Variants in EPB41L1 observed in about 807,000 individuals in gnomAD.
EPB41L1 encodes erythrocyte membrane protein band 4.1 like 1.
Under a neutral mutation model 97.8 loss-of-function variants are expected in EPB41L1, and 29 were observed. The observed-to-expected ratio is 0.30, with a 90% CI of 0.22 to 0.40. The LOEUF is 0.40. EPB41L1 is among the 10% of genes least tolerant of loss of function. EPB41L1 has a pLI of 1.00. For missense variants in EPB41L1, 812 were observed against 1,162.3 expected (o/e 0.70, Z 4.38); for synonymous variants, 383 against 459.2 (o/e 0.83, Z 2.12).
At chr20:36,149,349 T>C (rs1254172882) in intron 2 of EPB41L1, among the ~76,000 whole-genome samples, 2 of 152,200 alleles carry the variant, frequency 1.3e-5, no homozygotes, top group Admixed American at 6.5e-5. Flanking sequence ...GCTATGCAGT[T>C]TGCAGGCATC....
At chr20:36,167,419 G>A (rs1171831206) in intron 1 of EPB41L1, among the ~76,000 whole-genome samples, 1 of 152,036 alleles carries the variant, frequency 6.6e-6, no homozygotes, top group Admixed American at 6.6e-5. Flanking sequence ...TTTAAAGAGG[G>A]CATCTGGCTG....
chr20:36,146,711 C>T lies in EPB41L1; in HGVS notation c.-9-28840C>T, dbSNP rs80247610. The stretch of plus-strand genomic sequence containing the variant: ...AAGTGCTGGCTGGGTGGAGTGGGCA[C>T]CTGGGCTGGGAATGTGAGTGCAAGG... On this transcript the variant is annotated intron_variant, in intron 2 of 19. Coordinates refer to the EPB41L1 transcript ENST00000202028. Among the ~76,000 whole-genome samples the T allele has an allele frequency of 1.5e-4, 23 of 152,180 alleles. No individual in the cohort carries two copies. The East Asian group carries it at 4.4e-3, about 29-fold the overall frequency.
At chr20:36,162,289 CT>C (rs1399994473) in intron 1 of EPB41L1, among the ~76,000 whole-genome samples, 4 of 152,222 alleles carry the variant, frequency 2.6e-5, no homozygotes, top group African/African-American at 9.7e-5. Flanking sequence ...GTAAAGTGCC[CT>C]GCATGTGGGA....
Position 36,190,388 on chromosome 20 carries a change from TGGATGGGGTAATGG to T in EPB41L1, c.1124+23_1124+36del. The stretch of plus-strand genomic sequence containing the variant: ...TACATTCTTCCGGTGAGCCTGACCT[TGGATGGGGTAATGG>T]GGATGGGGCAGAGGCCATGTGTATG... On this transcript the variant is annotated intron_variant, in intron 10 of 21. Transcript: ENST00000338074. The surrounding 1 kb of genome is among the most constrained non-coding windows in gnomAD (Gnocchi z 5.8). 3.1e-6 allele frequency: 5 copies of T among 1,612,998 alleles called. No individual in the cohort carries two copies. The highest frequency in any genetic ancestry group is 4.2e-6 in the Non-Finnish European group (5 of 1,179,434).
rs2057724953 is a variant in EPB41L1, at chr20:36,093,456, CGGTGGGGGCGGCGGTCCAGG to C, written c.-65+1845_-65+1864del. Reference sequence around the variant, plus strand: ...TTGTCTTCGCACTGCCGGGAGGAAGCGGTGGGGGCGGCGGTCCAGGCGCCGCCGCCGCTGGGAGCTGGGCA... The same window carrying C: ...TTGTCTTCGCACTGCCGGGAGGAAGCCGCCGCCGCCGCTGGGAGCTGGGCA... On this transcript the variant is annotated intron_variant, in intron 1 of 19. Coordinates refer to the EPB41L1 transcript ENST00000202028. The surrounding 1 kb of genome is among the most constrained non-coding windows in gnomAD (Gnocchi z 5.4). 6.6e-6 allele frequency among the ~76,000 whole-genome samples: 1 copy of C among 150,442 alleles called. No individual in the cohort carries two copies. The highest frequency in any genetic ancestry group is 1.5e-5 in the Non-Finnish European group (1 of 67,662).
rs2061645568 is a variant in EPB41L1, at chr20:36,185,477, G to A, written c.785+142G>A. 8 of 787,020 alleles carry A rather than the reference G, an allele frequency of 1.0e-5. No homozygotes were observed. In the Admixed American group the frequency reaches 1.6e-4, roughly 16 times the overall value. 48.8% of individuals were successfully genotyped at this position (787,020 alleles called of 1,614,324 possible). A position where few individuals can be genotyped will look rare whatever the true frequency, so the allele number is the denominator to read the frequency against. On this transcript the variant is annotated intron_variant, in intron 7 of 21. Transcript: ENST00000338074. ...CCCCTAGCTTGAGGTATATCTAAGA[G>A]CAAATCATCTCTGTAAATAGGAACG...
At chr20:36,192,229 T>TA (rs963896728) in intron 11 of EPB41L1, among the ~76,000 whole-genome samples, 54 of 148,970 alleles carry the variant, frequency 3.6e-4, no homozygotes, top group African/African-American at 1.3e-3. Flanking sequence ...TCAAAAAAAA[T>TA]AAAAAAAATA....
chr20:36,172,133 AG>A (rs1233243168), intron 1 of EPB41L1, among the ~76,000 whole-genome samples: 1 of 152,218 alleles, frequency 6.6e-6, no homozygotes, highest in African/African-American at 2.4e-5. Flanking sequence ...CTTATCACCC[AG>A]GCTGGAGTGC....
At chr20:36,211,885 G>A (rs957699603) in intron 15 of EPB41L1, among the ~76,000 whole-genome samples, 2 of 152,162 alleles carry the variant, frequency 1.3e-5, no homozygotes, top group Non-Finnish European at 2.9e-5. Context: ...CAGCTGAAGC[G>A]GCTGAGAGGT....
At chr20:36,168,563 C>T (rs576714994) in intron 1 of EPB41L1, among the ~76,000 whole-genome samples, 1 of 150,688 alleles carries the variant, frequency 6.6e-6, no homozygotes, top group African/African-American at 2.4e-5. Flanking sequence ...ATGGAGTCTT[C>T]CTCTGTTGAC....
At chr20:36,142,738 G>C (rs2059687394) in intron 2 of EPB41L1, among the ~76,000 whole-genome samples, 1 of 152,184 alleles carries the variant, frequency 6.6e-6, no homozygotes, top group South Asian at 2.1e-4. Context: ...ACCTGCCCGG[G>C]CTGTGCTGTG....
chr20:36,172,015 G>A (rs73101486), intron 1 of EPB41L1, among the ~76,000 whole-genome samples: 30,962 of 152,032 alleles, frequency 0.2, 3,344 homozygotes, highest in Middle Eastern at 0.29. Context: ...ATGCCCCTCC[G>A]CCACCCTACC....
In EPB41L1 at chr20:36,197,877, G is replaced by T; in HGVS notation, c.1504G>T (p.Asp502Tyr). ...TCCCTAGTTCTTAGACAAGCCAGAA[G>T]ATGTCTTGCTGAAGCACCAGGCCAG... is the stretch of plus-strand genomic sequence containing the variant. ...HKQEFLDKPE[D>Y]VLLKHQASIN... Residue 502 changes from aspartate (D) to tyrosine (Y), a missense_variant, in exon 14 of 22, where the codon GAT (aspartate) becomes TAT (tyrosine). Around this residue, in one of 3 missense-constraint regions of EPB41L1, gnomAD observed 498 missense variants for 622.7 expected, o/e 0.80. Transcript: ENST00000338074. The T allele has an allele frequency of 6.2e-7, 1 of 1,614,134 alleles. No individual in the cohort carries two copies. The highest frequency in any genetic ancestry group is 8.5e-7 in the Non-Finnish European group (1 of 1,180,024).
rs552809158 is a variant in EPB41L1, at chr20:36,231,802, G to A, written c.*2462G>A. 2.9e-4 allele frequency: 45 copies of A among 152,800 alleles called. No homozygotes were observed. The highest frequency in any genetic ancestry group is 2.4e-3 in the Admixed American group (37 of 15,300). 9.5% of individuals were successfully genotyped at this position (152,800 alleles called of 1,614,324 possible). On this transcript the variant is annotated 3_prime_UTR_variant, in exon 22 of 22. Transcript: ENST00000338074. ...ACACCAGGTTCTTTCTACAATCCTG[G>A]TGGAAAAGCCACAGAACCTTCTTCC... is the stretch of plus-strand genomic sequence containing the variant.
intron 2 of EPB41L1, among the ~76,000 whole-genome samples, chr20:36,140,840 A>AC (rs751678456): frequency 3.2e-4 from 49 of 151,752 alleles, no homozygotes; most frequent in Non-Finnish European, 5.9e-4. Flanking sequence ...CCGACTAGCC[A>AC]CCCCCTCCCC....
At chr20:36,220,153 G>A (rs1440792300) in intron 19 of EPB41L1, among the ~76,000 whole-genome samples, 1 of 152,264 alleles carries the variant, frequency 6.6e-6, no homozygotes, top group African/African-American at 2.4e-5. Context: ...CATATGGGAG[G>A]CCCTGCAAGA....
intron 21 of EPB41L1, among the ~76,000 whole-genome samples, chr20:36,223,070 G>A (rs1175727762): frequency 2.0e-5 from 3 of 152,092 alleles, no homozygotes; most frequent in Non-Finnish European, 1.5e-5. Context: ...CTAATATTTT[G>A]TATTTTTAGT....
chr20:36,205,001 T>G (rs900842234), intron 14 of EPB41L1, among the ~76,000 whole-genome samples: 15 of 152,210 alleles, frequency 9.9e-5, no homozygotes, highest in Admixed American at 3.3e-4. Flanking sequence ...CCTTGATGCA[T>G]TCTATTGAGT....
Position 36,209,670 on chromosome 20 carries a change from G to C in EPB41L1, c.1851G>C (p.Glu617Asp), listed in dbSNP as rs762904704. 5.0e-6 allele frequency: 8 copies of C among 1,614,100 alleles called. No homozygotes were observed. Among genetic ancestry groups the C allele is most frequent in the Non-Finnish European group, 6.8e-6 (8 of 1,180,046 alleles). The part of the protein sequence containing the change: ...SITVSSTSSL[E>D]AEVDFTVIGD... ...CGGTCAGCTCTACGTCTAGCCTGGA[G>C]GCTGAGGTGGACTTCACGGTCATTG... The change falls in exon 15 of 22, where the codon GAG becomes GAC. Residue 617 changes from glutamate (E) to aspartate (D), a missense_variant. This residue lies in a region of EPB41L1 where 498 missense variants were observed against 622.7 expected (regional missense o/e 0.80). Transcript: ENST00000338074. This position sits in a 1 kb window ranked among gnomAD's most constrained non-coding sequence, Gnocchi z 4.2.
Sources: gnomAD v4.1 joint callset for allele counts (sites outside exome capture counted in the v4.1 genomes callset) on GRCh38, gnomAD v4.1.1 for gene constraint, gnomAD v4.1.1 regional missense constraint, Gnocchi (gnomAD v3.1) non-coding constraint, MANE v1.5 for transcripts, NCBI Gene and HGNC (gene_info 2026-07-23, HGNC 2026-07-21) for gene names.